Variants in PARD3 observed in about 807,000 individuals in gnomAD.
PARD3 encodes partitioning defective 3 homolog.
PARD3 carries 75 observed loss-of-function variants against 155.4 expected under a neutral mutation model. The observed-to-expected ratio is 0.48, with a 90% CI of 0.40 to 0.58. The LOEUF is 0.58. PARD3 is among the 20% of genes least tolerant of loss of function. The pLI is 0.00. For synonymous variants in PARD3, 576 were observed against 610.5 expected, an observed-to-expected ratio of 0.94 and a Z score of 0.83; for missense variants, 1,642 against 1,721.7, an observed-to-expected ratio of 0.95 and a Z score of 0.82.
chr10:34,319,533 CG>C (rs1589163049), intron 19 of PARD3, among the ~76,000 whole-genome samples: 2 of 152,264 alleles, frequency 1.3e-5, no homozygotes, highest in Admixed American at 1.3e-4. Context: ...TAATTGTGCA[CG>C]TTTATTAGAA....
At chr10:34,447,976 G>T (rs2076842856) in intron 5 of PARD3, among the ~76,000 whole-genome samples, 1 of 152,114 alleles carries the variant, frequency 6.6e-6, no homozygotes, top group South Asian at 2.1e-4. Flanking sequence ...CAGCAATTCT[G>T]CTTCTGCATA....
intron 22 of PARD3, among the ~76,000 whole-genome samples, chr10:34,198,052 C>T (rs1564474443): frequency 6.6e-6 from 1 of 152,126 alleles, no homozygotes; most frequent in African/African-American, 2.4e-5. Context: ...TAATAAGAAG[C>T]TAAAAGTGAA....
intron 2 of PARD3, among the ~76,000 whole-genome samples, chr10:34,533,194 G>A (rs760118140): frequency 6.6e-6 from 1 of 152,240 alleles, no homozygotes; most frequent in African/African-American, 2.4e-5. Context: ...ATAAATGTAC[G>A]AAGGCAGAAC....
At chr10:34,195,453 T>C (rs1395939956) in intron 22 of PARD3, among the ~76,000 whole-genome samples, 2 of 151,600 alleles carry the variant, frequency 1.3e-5, no homozygotes, top group Admixed American at 1.3e-4. Context: ...CTAAAACGAG[T>C]AGTAACTGAC....
chr10:34,731,610 G>C (rs940066694), intron 1 of PARD3, among the ~76,000 whole-genome samples: 7 of 152,174 alleles, frequency 4.6e-5, no homozygotes, highest in African/African-American at 1.7e-4. Flanking sequence ...GGATTGCAAA[G>C]ACTCTAGAGG....
chr10:34,385,374 A>T (rs900289318), intron 7 of PARD3, among the ~76,000 whole-genome samples: 1 of 152,004 alleles, frequency 6.6e-6, no homozygotes, highest in Non-Finnish European at 1.5e-5. Context: ...GACCTCAGGT[A>T]ATCCACCCGC....
intron 2 of PARD3, among the ~76,000 whole-genome samples, chr10:34,544,148 T>C (rs1020131154): frequency 2.6e-5 from 4 of 152,206 alleles, no homozygotes; most frequent in African/African-American, 9.6e-5. Flanking sequence ...ACTTTTCTTT[T>C]TGAATTCTGC....
intron 2 of PARD3, among the ~76,000 whole-genome samples, chr10:34,620,035 A>ACCT (rs113746819): frequency 3.3e-5 from 5 of 151,872 alleles, no homozygotes; most frequent in East Asian, 1.9e-4. Flanking sequence ...CACCACCACC[A>ACCT]CCTCCTCCTC....
chr10:34,591,944 G>A (rs1460440757), intron 2 of PARD3, among the ~76,000 whole-genome samples: 1 of 152,178 alleles, frequency 6.6e-6, no homozygotes, highest in African/African-American at 2.4e-5. Flanking sequence ...GATGGTAACA[G>A]CAGAAAGCCA....
chr10:34,675,178 C>A (rs2093682310), intron 2 of PARD3, among the ~76,000 whole-genome samples: 1 of 152,084 alleles, frequency 6.6e-6, no homozygotes, highest in African/African-American at 2.4e-5. Context: ...TAATTTACAG[C>A]TTTTAAAGCT....
At chr10:34,506,704 G>A (rs574292930) in intron 3 of PARD3, among the ~76,000 whole-genome samples, 1 of 152,260 alleles carries the variant, frequency 6.6e-6, no homozygotes, top group South Asian at 2.1e-4. Flanking sequence ...TCTAGGTATG[G>A]AAAATATATC....
rs1186839475 is a variant in PARD3 at position 34,384,225 on chromosome 10, T to C, written c.920A>G (p.Glu307Gly). The change falls in exon 8 of 25, where the codon GAG (glutamate) becomes GGG (glycine). Residue 307 changes from glutamate to glycine, a missense_variant. Physicochemically the swap from Glu to Gly is moderately conservative, Grantham distance 98 (BLOSUM62 -2). Coordinates refer to ENST00000374788, the MANE Select transcript of PARD3 (RefSeq NM_001184785.2). The stretch of plus-strand genomic sequence containing the variant: ...TTCATGTTCAGCTTTACCACCTTTC[T>C]CCAATCGTTTTACTAATAACCCCAG... ...RTLGLLVKRL[E>G]KGGKAEHENL... 6.2e-7 allele frequency: 1 copy of C among 1,613,688 alleles called. No homozygotes were observed. The highest frequency in any genetic ancestry group is 8.5e-7 in the Non-Finnish European group (1 of 1,179,806).
At chr10:34,637,995 G>A (rs1023106377) in intron 2 of PARD3, among the ~76,000 whole-genome samples, 2 of 152,110 alleles carry the variant, frequency 1.3e-5, no homozygotes, top group African/African-American at 4.8e-5. Context: ...CAAGACACAC[G>A]GACTGTGCAC....
chr10:34,669,308 G>A (rs1486665009), intron 2 of PARD3, among the ~76,000 whole-genome samples: 3 of 152,242 alleles, frequency 2.0e-5, no homozygotes, highest in Non-Finnish European at 2.9e-5. Flanking sequence ...ATGTCTTGCA[G>A]CAATATTGAT....
At chr10:34,344,515 C>T in intron 15 of PARD3, 1 of 820,718 alleles carries the variant, frequency 1.2e-6, no homozygotes, top group Non-Finnish European at 1.5e-6. Context: ...CTCCTGACCT[C>T]AGTTGATCCA....
intron 2 of PARD3, among the ~76,000 whole-genome samples, chr10:34,544,289 GGTATAT>G (rs2083872411): frequency 6.6e-6 from 1 of 151,996 alleles, no homozygotes; most frequent in Non-Finnish European, 1.5e-5. Context: ...CAATATTATA[GGTATAT>G]ACTTAGATGC....
intron 2 of PARD3, among the ~76,000 whole-genome samples, chr10:34,694,045 T>A (rs1034728043): frequency 2.0e-5 from 3 of 151,968 alleles, no homozygotes; most frequent in African/African-American, 7.2e-5. Context: ...GTCAGGTGAT[T>A]AATTCCTTTG....
At chr10:34,387,001 A>G (rs920100589) in intron 7 of PARD3, among the ~76,000 whole-genome samples, 1 of 152,178 alleles carries the variant, frequency 6.6e-6, no homozygotes, top group Non-Finnish European at 1.5e-5. Flanking sequence ...ACAGGTAATC[A>G]TAACAGAACC....
intron 7 of PARD3, among the ~76,000 whole-genome samples, chr10:34,386,073 CA>C (rs1842318081): frequency 6.6e-6 from 1 of 152,138 alleles, no homozygotes; most frequent in Non-Finnish European, 1.5e-5. Context: ...TGCAGTTTAA[CA>C]TTTTTACGAT....
Sources: gnomAD v4.1 joint callset for allele counts (sites outside exome capture counted in the v4.1 genomes callset) on GRCh38, gnomAD v4.1.1 for gene constraint, MANE v1.5 for transcripts, NCBI Gene and HGNC (gene_info 2026-07-23, HGNC 2026-07-21) for gene names.